Variants in FRMD4A observed in about 807,000 individuals in gnomAD.
The protein encoded by FRMD4A is FERM domain containing 4A.
A neutral mutation model predicts 129.1 loss-of-function variants in FRMD4A; 29 were observed. That is an observed-to-expected ratio of 0.22 (90% CI 0.17 to 0.31). The LOEUF is 0.31. Ranked by LOEUF, FRMD4A falls within the 10% of genes least tolerant of loss-of-function variation. FRMD4A has a pLI of 1.00. For missense variants in FRMD4A, 1,272 were observed against 1,375.8 expected (o/e 0.92, Z 1.19); for synonymous variants, 634 against 571.6 (o/e 1.11, Z -1.56).
At chr10:14,163,591 G>A (rs777719638) in intron 2 of FRMD4A, among the ~76,000 whole-genome samples, 1 of 152,196 alleles carries the variant, frequency 6.6e-6, no homozygotes, top group Non-Finnish European at 1.5e-5. Flanking sequence ...AAGGAAACGT[G>A]TTTATTGCCT....
rs530905568 is a variant in FRMD4A at position 14,095,681 on chromosome 10, G to A, written c.45+234377C>T. ...CTCCAGCACGCTGGATCGAATCCAC[G>A]TTCAATAGGAAGCAATGAAACAAAG... On this transcript the variant is annotated intron_variant, in intron 2 of 24. Transcript: ENST00000357447. Among the ~76,000 whole-genome samples, 8 of 152,140 alleles carry A rather than the reference G, an allele frequency of 5.3e-5. 1 individual carries two copies. Among genetic ancestry groups the A allele is most frequent in the South Asian group, 4.1e-4 (2 of 4,828 alleles).
intron 2 of FRMD4A, among the ~76,000 whole-genome samples, chr10:13,896,126 C>G (rs1233987717): frequency 6.6e-6 from 1 of 152,146 alleles, no homozygotes; most frequent in African/African-American, 2.4e-5. Flanking sequence ...CCTCAAGGAT[C>G]TAGAACCAAA....
intron 2 of FRMD4A, among the ~76,000 whole-genome samples, chr10:14,153,983 C>CG (rs1840472340): frequency 6.6e-6 from 1 of 152,162 alleles, no homozygotes. Flanking sequence ...ACGGCCATGA[C>CG]GGGGTCGCGG....
intron 12 of FRMD4A, among the ~76,000 whole-genome samples, chr10:13,718,570 A>C (rs2089099904): frequency 6.6e-6 from 1 of 152,208 alleles, no homozygotes; most frequent in South Asian, 2.1e-4. Flanking sequence ...CTTCAGATCT[A>C]GACTTTCTGT....
At chr10:14,071,690 G>A (rs1835326190) in intron 2 of FRMD4A, among the ~76,000 whole-genome samples, 1 of 152,096 alleles carries the variant, frequency 6.6e-6, no homozygotes, top group Non-Finnish European at 1.5e-5. Context: ...AGTGGACTGG[G>A]CTTGGGTGTT....
intron 6 of FRMD4A, among the ~76,000 whole-genome samples, chr10:13,779,707 A>ATTATTTGAT (rs1223658803): frequency 1.3e-5 from 2 of 151,950 alleles, no homozygotes; most frequent in Non-Finnish European, 2.9e-5. Context: ...TAGGTTTAGT[A>ATTATTTGAT]TTATTTGATT....
At chr10:14,310,521 G>A (rs1846510806) in intron 2 of FRMD4A, among the ~76,000 whole-genome samples, 1 of 152,178 alleles carries the variant, frequency 6.6e-6, no homozygotes, top group African/African-American at 2.4e-5. Flanking sequence ...TGTGCCAATA[G>A]GAAAAAGGCT....
intron 2 of FRMD4A, among the ~76,000 whole-genome samples, chr10:14,096,609 A>G (rs1026582): frequency 0.65 from 98,134 of 151,692 alleles, 31,904 homozygotes; most frequent in East Asian, 0.77. Flanking sequence ...GTTACAAAAC[A>G]TAAATCACCT....
intron 2 of FRMD4A, among the ~76,000 whole-genome samples, chr10:13,992,888 G>C (rs953518587): frequency 7.0e-6 from 1 of 142,124 alleles, no homozygotes; most frequent in Non-Finnish European, 1.5e-5. Context: ...CGGTGGCAGA[G>C]GTTGCAGTGT....
At chr10:13,650,603 T>C (rs114088881) in intron 24 of FRMD4A, among the ~76,000 whole-genome samples, 7,341 of 152,164 alleles carry the variant, frequency 0.048, 501 homozygotes, top group African/African-American at 0.15. Context: ...AAAATACTGC[T>C]CTCATGACAT....
intron 13 of FRMD4A, 55 bp from the exon 14 acceptor site, chr10:13,701,533 T>C: frequency 6.4e-7 from 1 of 1,559,360 alleles, no homozygotes; most frequent in Non-Finnish European, 8.8e-7. Flanking sequence ...AGAAACCATT[T>C]CTCAGTCAAC....
chr10:13,896,578 T>G (rs925065620), intron 2 of FRMD4A, among the ~76,000 whole-genome samples: 1 of 151,906 alleles, frequency 6.6e-6, no homozygotes, highest in Non-Finnish European at 1.5e-5. Flanking sequence ...ATGTGGGGCT[T>G]AAAACCTAGA....
chr10:13,989,109 G>C (rs573624745), intron 2 of FRMD4A, among the ~76,000 whole-genome samples: 1 of 152,168 alleles, frequency 6.6e-6, no homozygotes. Flanking sequence ...CTTAGAAGCA[G>C]AGCTCTGGTT....
At chr10:13,859,105 C>G (rs535268219) in intron 2 of FRMD4A, among the ~76,000 whole-genome samples, 193 bp from the exon 3 acceptor site, 2 of 152,130 alleles carry the variant, frequency 1.3e-5, no homozygotes, top group Non-Finnish European at 2.9e-5. Context: ...AGGCCGGGCG[C>G]GGTGGCTCAC....
At chr10:14,223,652 G>A (rs187582295) in intron 2 of FRMD4A, among the ~76,000 whole-genome samples, 3 of 149,890 alleles carry the variant, frequency 2.0e-5, no homozygotes, top group African/African-American at 7.4e-5. Flanking sequence ...GAGGTGAGAG[G>A]ATCATTTCTG....
chr10:13,712,145 CA>C (rs2088087387), intron 12 of FRMD4A: 1 of 152,336 alleles, frequency 6.6e-6, no homozygotes, highest in Non-Finnish European at 1.5e-5. Context: ...GTTTTCTATA[CA>C]GCAATGCTTC....
chr10:13,644,155 A>G lies in FRMD4A; in HGVS notation c.*2883T>C, dbSNP rs961546530. The G allele has an allele frequency of 6.6e-6, 1 of 152,446 alleles. No homozygotes were observed. The highest frequency in any genetic ancestry group is 1.5e-5 in the Non-Finnish European group (1 of 68,042). The allele number at this position is 152,446 out of a possible 1,614,324, so 9.4% of individuals were successfully genotyped here. ...TCACCTGCATATAATAAAATAAAAA[A>G]TCAACCTGGCTCACAACATAGTCTG... On this transcript the variant is annotated 3_prime_UTR_variant, in exon 25 of 25. Coordinates refer to ENST00000357447, the MANE Select transcript of FRMD4A (RefSeq NM_018027.5).
At chr10:13,895,412 A>C (rs1236671849) in intron 2 of FRMD4A, among the ~76,000 whole-genome samples, 2 of 152,136 alleles carry the variant, frequency 1.3e-5, no homozygotes, top group East Asian at 3.8e-4. Flanking sequence ...AAAGGATATG[A>C]TCTCATTCTT....
chr10:14,015,074 TTCTC>T (rs1242790058), intron 2 of FRMD4A, among the ~76,000 whole-genome samples: 7 of 131,572 alleles, frequency 5.3e-5, no homozygotes, highest in African/African-American at 8.6e-5. Flanking sequence ...CTGTCCTTCC[TTCTC>T]TCTCTCTCTT....
Sources: allele counts gnomAD v4.1 joint callset (sites outside exome capture counted in the v4.1 genomes callset), GRCh38; gene constraint gnomAD v4.1.1; transcripts MANE v1.5; gene names NCBI Gene and HGNC (gene_info 2026-07-23, HGNC 2026-07-21).